UNC13C: variants seen among roughly 807,000 people sequenced by gnomAD.
UNC13C encodes the protein protein unc-13 homolog C.
A neutral mutation model predicts 245.4 loss-of-function variants in UNC13C; 174 were observed. That is an observed-to-expected ratio of 0.71 (90% CI 0.63 to 0.80). The LOEUF is 0.80. UNC13C is among the 30% of genes least tolerant of loss of function. UNC13C has a pLI of 0.00. For missense variants in UNC13C, 2,829 were observed against 2,602.9 expected (o/e 1.09, Z -1.89); for synonymous variants, 992 against 895.1 (o/e 1.11, Z -1.93).
At position 54,015,424 on chromosome 15, in the gene UNC13C, G is replaced by A; in HGVS notation, c.2521G>A (p.Ala841Thr). The A allele has an allele frequency of 6.2e-7, 1 of 1,613,672 alleles. No homozygotes were observed. The highest frequency in any genetic ancestry group is 8.5e-7 in the Non-Finnish European group (1 of 1,179,830). Reference sequence around the variant, plus strand: ...ATTTCGGACATTATCTCAATCAACTGCAAATGAGTCAAGTACCACACTTGA... The same window carrying A: ...ATTTCGGACATTATCTCAATCAACTACAAATGAGTCAAGTACCACACTTGA... ...GRFRTLSQST[A>T]NESSTTLDSD... Residue 841 changes from alanine (A) to threonine (T), a missense_variant, in exon 2 of 33, where the codon GCA becomes ACA. Coordinates refer to ENST00000260323, the MANE Select transcript of UNC13C (RefSeq NM_001080534.3).
intron 19 of UNC13C, among the ~76,000 whole-genome samples, chr15:54,416,521 C>G (rs2040524681): frequency 6.6e-6 from 1 of 152,042 alleles, no homozygotes; most frequent in Non-Finnish European, 1.5e-5. Flanking sequence ...TATTAATGAC[C>G]CAGCCCTTCC....
intron 19 of UNC13C, among the ~76,000 whole-genome samples, chr15:54,424,410 G>A (rs746872005): frequency 1.3e-5 from 2 of 151,670 alleles, no homozygotes; most frequent in Non-Finnish European, 3.0e-5. Context: ...TTGTTTGTTT[G>A]TTTTTATTTG....
chr15:54,064,908 G>T (rs1898005645), intron 2 of UNC13C, among the ~76,000 whole-genome samples: 1 of 152,220 alleles, frequency 6.6e-6, no homozygotes, highest in Non-Finnish European at 1.5e-5. Context: ...ATCAGAGAAA[G>T]ATGAGAGTAC....
intron 2 of UNC13C, among the ~76,000 whole-genome samples, chr15:54,082,345 A>C (rs1055639776): frequency 7.0e-6 from 1 of 142,450 alleles, no homozygotes; most frequent in African/African-American, 2.5e-5. Flanking sequence ...TTCCTGAACT[A>C]TTCTTTCAAA....
intron 17 of UNC13C, among the ~76,000 whole-genome samples, chr15:54,383,407 A>G (rs1235654631): frequency 6.6e-6 from 1 of 152,172 alleles, no homozygotes; most frequent in African/African-American, 2.4e-5. Flanking sequence ...AATGTGATCT[A>G]TTATGTCAGC....
chr15:54,280,790 A>T (rs1402331391), intron 10 of UNC13C, among the ~76,000 whole-genome samples: 1 of 148,480 alleles, frequency 6.7e-6, no homozygotes, highest in Admixed American at 6.8e-5. Context: ...ATACACATAT[A>T]TATATATATA....
intron 18 of UNC13C, among the ~76,000 whole-genome samples, chr15:54,399,843 CT>C (rs1408376589): frequency 6.6e-6 from 1 of 151,774 alleles, no homozygotes; most frequent in African/African-American, 2.4e-5. Context: ...GTCCTTTGTT[CT>C]TTCTGTTTTG....
chr15:54,018,862 C>A (rs1895775759), intron 2 of UNC13C, among the ~76,000 whole-genome samples: 1 of 151,704 alleles, frequency 6.6e-6, no homozygotes, highest in Admixed American at 6.6e-5. Flanking sequence ...TGTTTTATAC[C>A]CATATGGCAT....
intron 18 of UNC13C, among the ~76,000 whole-genome samples, chr15:54,403,531 A>G (rs1478185462): frequency 6.6e-6 from 1 of 151,996 alleles, no homozygotes; most frequent in Non-Finnish European, 1.5e-5. Flanking sequence ...AGATCAGTAC[A>G]TAGTGAGACC....
intron 4 of UNC13C, among the ~76,000 whole-genome samples, chr15:54,230,952 T>G (rs554234784): frequency 1.3e-5 from 2 of 152,208 alleles, no homozygotes; most frequent in South Asian, 4.1e-4. Context: ...GACTTTAAAA[T>G]AATATCCATT....
At chr15:54,237,113 A>G (rs2035721663) in intron 6 of UNC13C, among the ~76,000 whole-genome samples, 1 of 152,242 alleles carries the variant, frequency 6.6e-6, no homozygotes, top group South Asian at 2.1e-4. Context: ...AATTCTCGGT[A>G]AATTAAATGA....
At chr15:53,954,740 T>C in the UNC13C span, among the ~76,000 whole-genome samples, 1 of 151,876 alleles carries the variant, frequency 6.6e-6, no homozygotes, top group Non-Finnish European at 1.5e-5. Context: ...TCCCTTAATA[T>C]TTTGGTTCAT....
chr15:54,463,522 G>GA (rs1005693120), intron 19 of UNC13C, among the ~76,000 whole-genome samples: 16 of 151,900 alleles, frequency 1.1e-4, no homozygotes, highest in African/African-American at 3.9e-4. Flanking sequence ...CTCTGGAGGA[G>GA]AGGAGCAAGC....
intron 29 of UNC13C, among the ~76,000 whole-genome samples, chr15:54,557,163 C>A (rs2060966278): frequency 6.6e-6 from 1 of 152,010 alleles, no homozygotes; most frequent in African/African-American, 2.4e-5. Context: ...TGTCCTAGGT[C>A]CAGTAAATGG....
At chr15:54,453,664 T>C (rs1891308314) in intron 19 of UNC13C, among the ~76,000 whole-genome samples, 1 of 152,250 alleles carries the variant, frequency 6.6e-6, no homozygotes, top group Non-Finnish European at 1.5e-5. Context: ...ATTAACATGC[T>C]ATACCTTTTG....
the UNC13C span, among the ~76,000 whole-genome samples, chr15:53,855,766 T>A: frequency 6.6e-6 from 1 of 152,306 alleles, no homozygotes; most frequent in African/African-American, 2.4e-5. Flanking sequence ...TTTTGTTGTA[T>A]CTCTGCTAGG....
At chr15:54,327,893 C>A (rs2038339870) in intron 14 of UNC13C, among the ~76,000 whole-genome samples, 1 of 152,042 alleles carries the variant, frequency 6.6e-6, no homozygotes, top group Non-Finnish European at 1.5e-5. Flanking sequence ...TTCAGAAAGG[C>A]ATTCTTGGAT....
chr15:54,631,890 T>C, downstream of UNC13C: 1 of 152,220 alleles, frequency 6.6e-6, no homozygotes, highest in East Asian at 1.9e-4. Context: ...TAAGTATATC[T>C]TTAACTTCAT....
At chr15:53,926,120 G>GTT in the UNC13C span, among the ~76,000 whole-genome samples, 431 of 147,652 alleles carry the variant, frequency 2.9e-3, 2 homozygotes, top group African/African-American at 0.01. Context: ...TTTAGTTTTT[G>GTT]TTTTTTTTTT....
Sources: allele counts gnomAD v4.1 joint callset (sites outside exome capture counted in the v4.1 genomes callset), GRCh38; gene constraint gnomAD v4.1.1; transcripts MANE v1.5; gene names NCBI Gene and HGNC (gene_info 2026-07-23, HGNC 2026-07-21).